CYSTM1: variants seen among roughly 807,000 people sequenced by gnomAD.
CYSTM1 encodes cysteine-rich transmembrane module-containing protein 1.
CYSTM1 carries 4 observed loss-of-function variants against 13.1 expected under a neutral mutation model. That is an observed-to-expected ratio of 0.31 (90% CI 0.15 to 0.70). The LOEUF (loss-of-function observed/expected upper bound fraction) is 0.70, where lower values mean the gene tolerates loss of function less well. Ranked by LOEUF, CYSTM1 falls within the 30% of genes least tolerant of loss-of-function variation. CYSTM1 has a pLI of 0.72. For synonymous variants in CYSTM1, 36 were observed against 42.7 expected, an observed-to-expected ratio of 0.84 and a Z score of 0.62; for missense variants, 96 against 121.6, an observed-to-expected ratio of 0.79 and a Z score of 0.99.
chr5:140,242,520 G>A (rs1764763268), intron 2 of CYSTM1, among the ~76,000 whole-genome samples: 1 of 152,196 alleles, frequency 6.6e-6, no homozygotes, highest in Admixed American at 6.5e-5. Flanking sequence ...GCCACAGATT[G>A]ACTAGCAGCC....
intron 1 of CYSTM1, among the ~76,000 whole-genome samples, chr5:140,178,213 C>T (rs1020586741): frequency 6.6e-6 from 1 of 152,100 alleles, no homozygotes; most frequent in East Asian, 1.9e-4. Flanking sequence ...AGGCCTTGAG[C>T]AGGGCACTCC....
At chr5:140,228,365 C>T (rs1223286953) in intron 2 of CYSTM1, among the ~76,000 whole-genome samples, 3 of 152,096 alleles carry the variant, frequency 2.0e-5, no homozygotes, top group African/African-American at 4.8e-5. Flanking sequence ...TAAAGATTTC[C>T]GCCGGTGCCT....
chr5:140,210,333 T>C (rs1354618563), intron 2 of CYSTM1, among the ~76,000 whole-genome samples: 2 of 152,138 alleles, frequency 1.3e-5, no homozygotes, highest in Admixed American at 6.5e-5. Flanking sequence ...GGGGCTGTCC[T>C]GTGTATTGTA....
rs1310285989 is a variant in CYSTM1, at chr5:140,230,678, C to G, written c.188-12627C>G. On this transcript the variant is annotated intron_variant, in intron 2 of 2. Transcript: ENST00000261811. The surrounding 1 kb of genome is among the most constrained non-coding windows in gnomAD (Gnocchi z 4.1). ...CAGATTTCACTCAGTTCTTTTGCCTCATAAGCAGAGGCGTTTCAGTGTTTC... is the reference window on the plus strand; with the variant it reads ...CAGATTTCACTCAGTTCTTTTGCCTGATAAGCAGAGGCGTTTCAGTGTTTC... Among the ~76,000 whole-genome samples, 1 of 152,230 alleles carries G rather than the reference C, an allele frequency of 6.6e-6. No homozygotes were observed. Among genetic ancestry groups the G allele is most frequent in the Admixed American group, 6.5e-5 (1 of 15,286 alleles).
rs1022050975 is a variant in CYSTM1 at position 140,243,738 on chromosome 5, T to C, written c.*327T>C. 1.9e-5 allele frequency: 4 copies of C among 212,000 alleles called. No homozygotes were observed. Among genetic ancestry groups the C allele is most frequent in the Admixed American group, 5.7e-5 (1 of 17,452 alleles). 13.1% of individuals were successfully genotyped at this position (212,000 alleles called of 1,614,324 possible). A position where few individuals can be genotyped will look rare whatever the true frequency, so the allele number is the denominator to read the frequency against. ...ATGTAACACATCAATCATGGAATGA[T>C]TTCTCTGCTAACAGCCGCCTGTATG... is the stretch of plus-strand genomic sequence containing the variant. On this transcript the variant is annotated 3_prime_UTR_variant, in exon 3 of 3. Transcript: ENST00000261811.
At chr5:140,184,220 T>C (rs998754248) in intron 1 of CYSTM1, among the ~76,000 whole-genome samples, 4 of 152,240 alleles carry the variant, frequency 2.6e-5, no homozygotes, top group African/African-American at 9.6e-5. Flanking sequence ...AATTTGTTTT[T>C]TTCCCACCAT....
At chr5:140,227,768 GC>G (rs1453330354) in intron 2 of CYSTM1, among the ~76,000 whole-genome samples, 1 of 152,046 alleles carries the variant, frequency 6.6e-6, no homozygotes, top group Non-Finnish European at 1.5e-5. Context: ...AACTAGCTAG[GC>G]CCCACCCTTC....
chr5:140,180,960 G>A (rs1438639999), intron 1 of CYSTM1, among the ~76,000 whole-genome samples: 2 of 152,164 alleles, frequency 1.3e-5, no homozygotes, highest in Admixed American at 6.5e-5. Flanking sequence ...TCATTAGCCA[G>A]TCTCAAGAGC....
In CYSTM1 at chr5:140,219,620, C is replaced by G. The variant is rs541760774; in HGVS notation, c.188-23685C>G. ...GGCAGTAGAAAAAGAAAACAACCTG[C>G]GGTGCTTTGCATAAATATATCTCCT... On this transcript the variant is annotated intron_variant, in intron 2 of 2. Coordinates refer to ENST00000261811, the MANE Select transcript of CYSTM1 (RefSeq NM_032412.4). The surrounding 1 kb of genome is among the most constrained non-coding windows in gnomAD (Gnocchi z 4.1). Among the ~76,000 whole-genome samples the G allele has an allele frequency of 6.6e-6, 1 of 152,126 alleles. No individual in the cohort carries two copies. Among genetic ancestry groups the G allele is most frequent in the Admixed American group, 6.5e-5 (1 of 15,270 alleles).
At chr5:140,194,403 C>T (rs1764127047) in intron 1 of CYSTM1, 43 bp from the exon 2 acceptor site, 1 of 1,481,468 alleles carries the variant, frequency 6.8e-7, no homozygotes, top group Non-Finnish European at 9.0e-7. Flanking sequence ...CTGATGATTT[C>T]CACAGTTAAA....
chr5:140,186,867 T>A (rs1346116278), intron 1 of CYSTM1, among the ~76,000 whole-genome samples: 1 of 152,218 alleles, frequency 6.6e-6, no homozygotes, highest in Non-Finnish European at 1.5e-5. Flanking sequence ...TGGGTTACAC[T>A]GTAATCCCAG....
chr5:140,232,135 G>C (rs753360514), intron 2 of CYSTM1, among the ~76,000 whole-genome samples: 1 of 152,212 alleles, frequency 6.6e-6, no homozygotes, highest in Non-Finnish European at 1.5e-5. Context: ...CTGGAACTGG[G>C]TGCCTGGTGG....
intron 1 of CYSTM1, among the ~76,000 whole-genome samples, chr5:140,178,081 A>G (rs778605907): frequency 6.6e-6 from 1 of 152,208 alleles, no homozygotes; most frequent in Non-Finnish European, 1.5e-5. Context: ...CTAAATACAA[A>G]CTATAATAAA....
At chr5:140,228,455 A>G (rs879408065) in intron 2 of CYSTM1, among the ~76,000 whole-genome samples, 1 of 152,194 alleles carries the variant, frequency 6.6e-6, no homozygotes, top group Non-Finnish European at 1.5e-5. Flanking sequence ...ACAAGCAACA[A>G]ATAAAGTACT....
chr5:140,175,396 C>G lies in CYSTM1; in HGVS notation c.-21+111C>G, dbSNP rs1316342826. 6.6e-6 allele frequency: 1 copy of G among 152,374 alleles called. No individual in the cohort carries two copies. The highest frequency in any genetic ancestry group is 1.5e-5 in the Non-Finnish European group (1 of 68,212). 9.4% of individuals were successfully genotyped at this position (152,374 alleles called of 1,614,324 possible). A position where few individuals can be genotyped will look rare whatever the true frequency, so the allele number is the denominator to read the frequency against. On this transcript the variant is annotated intron_variant, in intron 1 of 2. Coordinates refer to ENST00000261811, the MANE Select transcript of CYSTM1 (RefSeq NM_032412.4). This position sits in a 1 kb window ranked among gnomAD's most constrained non-coding sequence, Gnocchi z 4.9. The stretch of plus-strand genomic sequence containing the variant: ...GAGCGCCCTGAGAACTGGGGGGCAC[C>G]CGGGCTGGCCTGGCTCAGGCAGGGG...
chr5:140,211,527 C>T (rs1482789936), intron 2 of CYSTM1, among the ~76,000 whole-genome samples: 1 of 152,192 alleles, frequency 6.6e-6, no homozygotes, highest in Non-Finnish European at 1.5e-5. Flanking sequence ...CTATGATCCC[C>T]CAGATCTCTG....
intron 2 of CYSTM1, among the ~76,000 whole-genome samples, chr5:140,204,729 C>A (rs1304555627): frequency 6.6e-6 from 1 of 151,940 alleles, no homozygotes; most frequent in Admixed American, 6.6e-5. Context: ...ACGTTTTTTT[C>A]TTCTTTCACC....
chr5:140,227,137 C>T (rs1438345872), intron 2 of CYSTM1, among the ~76,000 whole-genome samples: 2 of 152,178 alleles, frequency 1.3e-5, no homozygotes, highest in Admixed American at 6.5e-5. Context: ...ACCAATGGCG[C>T]CTGCTCCCTT....
Position 140,239,845 on chromosome 5 carries a change from A to G in CYSTM1, c.188-3460A>G, listed in dbSNP as rs1764725545. Among the ~76,000 whole-genome samples, 1 of 152,138 alleles carries G rather than the reference A, an allele frequency of 6.6e-6. No homozygotes were observed. Among genetic ancestry groups the G allele is most frequent in the Non-Finnish European group, 1.5e-5 (1 of 68,016 alleles). On this transcript the variant is annotated intron_variant, in intron 2 of 2. Coordinates refer to ENST00000261811, the MANE Select transcript of CYSTM1 (RefSeq NM_032412.4). This position sits in a 1 kb window ranked among gnomAD's most constrained non-coding sequence, Gnocchi z 5.4. ...GGCAAGCCAGTGCAGGGTCCCCTGG[A>G]CCTGACCCCCACTCCACCTGTAGTC...
Sources: allele counts gnomAD v4.1 joint callset (sites outside exome capture counted in the v4.1 genomes callset), GRCh38; gene constraint gnomAD v4.1.1; non-coding constraint Gnocchi (gnomAD v3.1); transcripts MANE v1.5; gene names NCBI Gene and HGNC (gene_info 2026-07-23, HGNC 2026-07-21).